The following SHTN1 variants were observed in gnomAD, a reference collection of about 807,000 sequenced individuals.
The protein encoded by SHTN1 is shootin-1.
Under a neutral mutation model 83.1 loss-of-function variants are expected in SHTN1, and 42 were observed. The observed-to-expected ratio is 0.51, with a 90% confidence interval of 0.39 to 0.65. The LOEUF (loss-of-function observed/expected upper bound fraction) is 0.65, where lower values mean the gene tolerates loss of function less well. Ranked by LOEUF, SHTN1 falls within the 30% of genes least tolerant of loss-of-function variation. The probability of loss-of-function intolerance (pLI) is 0.00; values close to 1 mark genes in which losing one functional copy is unlikely to be tolerated. For missense variants in SHTN1, 622 were observed against 737.8 expected (o/e 0.84, Z 1.82); for synonymous variants, 224 against 247.7 (o/e 0.90, Z 0.90).
intron 1 of SHTN1, among the ~76,000 whole-genome samples, chr10:117,062,084 C>A (rs1852912775): frequency 6.6e-6 from 1 of 152,184 alleles, no homozygotes; most frequent in Non-Finnish European, 1.5e-5. Flanking sequence ...AATTACTTTC[C>A]CTTCCCGTCA....
intron 7 of SHTN1, among the ~76,000 whole-genome samples, chr10:116,948,376 T>C (rs1451797281): frequency 1.3e-5 from 2 of 152,178 alleles, no homozygotes; most frequent in South Asian, 2.1e-4. Context: ...ATCAATCTCT[T>C]ATTGCACTGA....
upstream of SHTN1, chr10:117,005,487 G>A (rs970918058): frequency 6.8e-6 from 7 of 1,022,620 alleles, no homozygotes; most frequent in Non-Finnish European, 7.0e-6. Flanking sequence ...GAGAAAACCG[G>A]CTGTGGGTTC....
At chr10:117,062,449 T>G (rs1305281799) in intron 1 of SHTN1, among the ~76,000 whole-genome samples, 1 of 152,168 alleles carries the variant, frequency 6.6e-6, no homozygotes, top group East Asian at 1.9e-4. Context: ...GAGGTTCTTA[T>G]TGAGGAGCTC....
At chr10:117,095,486 A>G (rs1853491278) in intron 1 of SHTN1, among the ~76,000 whole-genome samples, 1 of 152,214 alleles carries the variant, frequency 6.6e-6, no homozygotes, top group African/African-American at 2.4e-5. Flanking sequence ...TCACACTAAG[A>G]AGAATCTAGA....
chr10:116,979,631 A>G (rs1468230739), intron 1 of SHTN1, among the ~76,000 whole-genome samples: 1 of 152,214 alleles, frequency 6.6e-6, no homozygotes, highest in South Asian at 2.1e-4. Flanking sequence ...ACATGAGCCC[A>G]CCAAACTAAA....
chr10:116,967,786 C>T (rs993228872), intron 3 of SHTN1, among the ~76,000 whole-genome samples: 3 of 152,104 alleles, frequency 2.0e-5, no homozygotes, highest in East Asian at 1.9e-4. Flanking sequence ...TACCTGCCAT[C>T]GCATTATTTA....
chr10:116,983,614 G>A (rs983038286), intron 1 of SHTN1, among the ~76,000 whole-genome samples: 1 of 151,646 alleles, frequency 6.6e-6, no homozygotes, highest in African/African-American at 2.4e-5. Context: ...TAACTATTCT[G>A]GGGTAGAGCC....
At chr10:116,926,615 C>A (rs572759774) in intron 11 of SHTN1, among the ~76,000 whole-genome samples, 1 of 151,754 alleles carries the variant, frequency 6.6e-6, no homozygotes, top group South Asian at 2.1e-4. Flanking sequence ...GAACATGCTA[C>A]GCATTCTATT....
chr10:117,035,947 C>CAAA (rs35033048), intron 2 of SHTN1, among the ~76,000 whole-genome samples: 1,693 of 70,976 alleles, frequency 0.024, 93 homozygotes, highest in Non-Finnish European at 0.032. Context: ...AACTCCATCT[C>CAAA]AAAAAAAAAA....
At chr10:116,897,013 G>T (rs983083980) in intron 16 of SHTN1, among the ~76,000 whole-genome samples, 5 of 152,036 alleles carry the variant, frequency 3.3e-5, no homozygotes, top group African/African-American at 1.2e-4. Context: ...TGCCATGTTG[G>T]CCCGGCTGGT....
rs1401335683 is a variant in SHTN1 at position 116,885,349 on chromosome 10, G to C, written c.*995C>G. ...TTGAAACAATCAACTTTGAAAAGCT[G>C]CATAAGTTTTTTTTTTAATCCCTGA... On this transcript the variant is annotated 3_prime_UTR_variant, in exon 17 of 17. Coordinates refer to ENST00000355371, the MANE Select transcript of SHTN1 (RefSeq NM_001127211.3). 1 of 152,274 alleles carries C rather than the reference G, an allele frequency of 6.6e-6. No individual in the cohort carries two copies. Among genetic ancestry groups the C allele is most frequent in the Non-Finnish European group, 1.5e-5 (1 of 67,954 alleles). The allele number at this position is 152,274 out of a possible 1,614,324, so 9.4% of individuals were successfully genotyped here.
At chr10:116,991,236 G>A (rs140528438) in intron 1 of SHTN1, among the ~76,000 whole-genome samples, 42 of 152,282 alleles carry the variant, frequency 2.8e-4, no homozygotes, top group African/African-American at 9.6e-4. Flanking sequence ...ATGCATGGTT[G>A]TAGTTTTCGT....
At chr10:116,924,753 T>A (rs1043630075) in intron 11 of SHTN1, among the ~76,000 whole-genome samples, 2 of 63,544 alleles carry the variant, frequency 3.1e-5, no homozygotes, top group Non-Finnish European at 6.0e-5. Flanking sequence ...CCTATTTTTT[T>A]TTTTTTTTTT....
chr10:116,978,786 T>A (rs1850904688), intron 2 of SHTN1, among the ~76,000 whole-genome samples: 2 of 152,174 alleles, frequency 1.3e-5, no homozygotes, highest in Admixed American at 6.5e-5. Flanking sequence ...CAACTTCCAG[T>A]GTATTATTCA....
At chr10:116,906,549 G>C in intron 15 of SHTN1, 78 bp downstream of exon 15, 1 of 1,385,214 alleles carries the variant, frequency 7.2e-7, no homozygotes, top group Non-Finnish European at 9.7e-7. Context: ...TTAAAAGATT[G>C]TTTCATGTAA....
intron 6 of SHTN1, among the ~76,000 whole-genome samples, chr10:116,950,147 CAGGT>C (rs1053069241): frequency 6.6e-6 from 1 of 152,066 alleles, no homozygotes; most frequent in African/African-American, 2.4e-5. Flanking sequence ...AGTTGGGTAG[CAGGT>C]ATATGGATGT....
At position 116,886,564 on chromosome 10, in the gene SHTN1, G is replaced by C; in HGVS notation, c.1676C>G (p.Pro559Arg). The change falls in exon 17 of 17, where the codon CCT (proline) becomes CGT (arginine). Residue 559 changes from proline (P) to arginine (R), a missense_variant and splice_region_variant. This residue lies in a region of SHTN1 where 231 missense variants were observed against 251.6 expected (regional missense o/e 0.92). Coordinates refer to ENST00000355371, the MANE Select transcript of SHTN1 (RefSeq NM_001127211.3). Reference sequence around the variant, plus strand: ...TTTCCTGCATCCAATGCTACTGGGAGGCCTATGAGATGAAGAGTTAGACAA... The same window carrying C: ...TTTCCTGCATCCAATGCTACTGGGACGCCTATGAGATGAAGAGTTAGACAA... ...GCTSSKVTFQ[P>R]PSSIGCRKKY... The C allele has an allele frequency of 6.2e-7, 1 of 1,614,064 alleles. No homozygotes were observed. Among genetic ancestry groups the C allele is most frequent in the Non-Finnish European group, 8.5e-7 (1 of 1,180,004 alleles).
chr10:116,981,238 G>A (rs1196538022), intron 1 of SHTN1, among the ~76,000 whole-genome samples: 1 of 152,128 alleles, frequency 6.6e-6, no homozygotes, highest in Non-Finnish European at 1.5e-5. Flanking sequence ...AGAATCGCGT[G>A]AACCCGGGAA....
At chr10:117,057,375 C>CA (rs60589137) in intron 1 of SHTN1, among the ~76,000 whole-genome samples, 1 of 152,176 alleles carries the variant, frequency 6.6e-6, no homozygotes, top group South Asian at 2.1e-4. Flanking sequence ...CCAGGGTAGA[C>CA]AAAAAAGACC....
Sources: allele counts gnomAD v4.1 joint callset (sites outside exome capture counted in the v4.1 genomes callset), GRCh38; gene constraint gnomAD v4.1.1; regional missense constraint gnomAD v4.1.1; transcripts MANE v1.5; gene names NCBI Gene and HGNC (gene_info 2026-07-23, HGNC 2026-07-21).